VPS13B: variants seen among roughly 807,000 people sequenced by gnomAD.
VPS13B encodes the protein vacuolar protein sorting 13 homolog B.
Under a neutral mutation model 426.4 loss-of-function variants are expected in VPS13B, and 285 were observed. The ratio of observed to expected loss-of-function variants is 0.67; its 90% confidence interval spans 0.61 to 0.74. The LOEUF (loss-of-function observed/expected upper bound fraction) is 0.74, where lower values mean the gene tolerates loss of function less well. Ranked by LOEUF, VPS13B falls within the 30% of genes least tolerant of loss-of-function variation. The pLI, the probability that VPS13B is intolerant of heterozygous loss-of-function variation, is 0.00. For synonymous variants in VPS13B, 1,676 were observed against 1,676.4 expected (o/e 1.00, Z 0.01); for missense variants, 4,537 against 4,782.6 (o/e 0.95, Z 1.51).
intron 42 of VPS13B, among the ~76,000 whole-genome samples, chr8:99,779,383 C>T (rs930684387): frequency 5.9e-5 from 9 of 152,104 alleles, no homozygotes; most frequent in Non-Finnish European, 1.0e-4. Flanking sequence ...AATTGTCTAA[C>T]GGTCCATTGC....
chr8:99,697,775 C>A, intron 35 of VPS13B: 1 of 626,028 alleles, frequency 1.6e-6, no homozygotes, highest in Non-Finnish European at 3.1e-6. Flanking sequence ...TGTCACTGAG[C>A]TCATCAGCAC....
At chr8:99,629,271 A>G (rs921064960) in intron 33 of VPS13B, among the ~76,000 whole-genome samples, 1 of 152,186 alleles carries the variant, frequency 6.6e-6, no homozygotes, top group Admixed American at 6.6e-5. Flanking sequence ...TTTAAAGAAT[A>G]TCAGGGAATC....
At chr8:99,427,067 A>C (rs1268094153) in intron 21 of VPS13B, among the ~76,000 whole-genome samples, 9 of 48,418 alleles carry the variant, frequency 1.9e-4, no homozygotes, top group Admixed American at 1.4e-3. Flanking sequence ...TAAATCTTTA[A>C]TCCATCTTGA....
At chr8:99,034,006 A>C (rs986202056) in intron 2 of VPS13B, among the ~76,000 whole-genome samples, 1 of 152,156 alleles carries the variant, frequency 6.6e-6, no homozygotes, top group African/African-American at 2.4e-5. Flanking sequence ...CTTCACAGAT[A>C]GTTTGTTTCT....
chr8:99,148,606 C>T (rs1437036218), intron 14 of VPS13B, among the ~76,000 whole-genome samples: 1 of 152,060 alleles, frequency 6.6e-6, no homozygotes, highest in Admixed American at 6.6e-5. Flanking sequence ...TATCTCTAAG[C>T]CCTGATTTTC....
chr8:99,054,483 C>T (rs1450121761), intron 3 of VPS13B, among the ~76,000 whole-genome samples: 1 of 152,168 alleles, frequency 6.6e-6, no homozygotes, highest in Non-Finnish European at 1.5e-5. Flanking sequence ...TTATGATTTT[C>T]AAATATTTTC....
At chr8:99,463,396 C>T (rs1426862237) in intron 23 of VPS13B, among the ~76,000 whole-genome samples, 1 of 152,102 alleles carries the variant, frequency 6.6e-6, no homozygotes, top group Admixed American at 6.6e-5. Flanking sequence ...AAATGTTTTT[C>T]ACAAATTTGA....
intron 33 of VPS13B, among the ~76,000 whole-genome samples, chr8:99,613,399 G>A (rs1386086314): frequency 6.6e-6 from 1 of 152,190 alleles, no homozygotes; most frequent in African/African-American, 2.4e-5. Context: ...TTATTTGGTG[G>A]TTCACCTATC....
chr8:99,381,865 G>GCCATTCC, intron 19 of VPS13B, among the ~76,000 whole-genome samples: 1 of 151,490 alleles, frequency 6.6e-6, no homozygotes, highest in Middle Eastern at 3.4e-3. Flanking sequence ...TTTCTCCCAT[G>GCCATTCC]CCATTCCCAT....
intron 19 of VPS13B, among the ~76,000 whole-genome samples, chr8:99,299,928 A>C (rs1316185815): frequency 1.3e-5 from 2 of 152,122 alleles, no homozygotes; most frequent in African/African-American, 2.4e-5. Flanking sequence ...AAACAACAAC[A>C]AAGTAAATTT....
chr8:99,432,142 A>C (rs1254139837), intron 22 of VPS13B, among the ~76,000 whole-genome samples: 1 of 152,022 alleles, frequency 6.6e-6, no homozygotes, highest in African/African-American at 2.4e-5. Context: ...AAAATGCACA[A>C]TTTTATCTTA....
intron 2 of VPS13B, 137 bp downstream of exon 2, chr8:99,014,072 G>A (rs949821773): frequency 8.7e-6 from 8 of 916,592 alleles, no homozygotes; most frequent in Non-Finnish European, 1.3e-5. Flanking sequence ...CCTGAAACAA[G>A]GGGGCTTTAT....
At chr8:99,545,236 G>A (rs534072383) in intron 30 of VPS13B, among the ~76,000 whole-genome samples, 6 of 152,114 alleles carry the variant, frequency 3.9e-5, no homozygotes, top group South Asian at 2.1e-4. Context: ...GGAGATTTAC[G>A]TTTTTAATTT....
At chr8:99,422,477 T>A (rs1184466631) in intron 21 of VPS13B, among the ~76,000 whole-genome samples, 1 of 152,136 alleles carries the variant, frequency 6.6e-6, no homozygotes, top group Admixed American at 6.6e-5. Flanking sequence ...GTACTAATAT[T>A]TTTCATCGGT....
At chr8:99,374,806 A>G (rs573164902) in intron 19 of VPS13B, among the ~76,000 whole-genome samples, 1 of 152,112 alleles carries the variant, frequency 6.6e-6, no homozygotes, top group African/African-American at 2.4e-5. Flanking sequence ...CAAGATTAGG[A>G]TCTTTGTTTT....
chr8:99,027,270 G>T (rs1410342346), intron 2 of VPS13B, among the ~76,000 whole-genome samples: 2 of 151,448 alleles, frequency 1.3e-5, no homozygotes, highest in Non-Finnish European at 2.9e-5. Context: ...TTACATTCAA[G>T]GTTATTATTG....
chr8:99,320,210 TG>T (rs1051001884), intron 19 of VPS13B, among the ~76,000 whole-genome samples: 8 of 152,206 alleles, frequency 5.3e-5, no homozygotes, highest in African/African-American at 1.7e-4. Context: ...AAGGGATTTA[TG>T]GGATAAAGGT....
chr8:99,374,294 T>TTGATATA (rs1348342208), intron 19 of VPS13B, among the ~76,000 whole-genome samples: 1 of 151,910 alleles, frequency 6.6e-6, no homozygotes, highest in Non-Finnish European at 1.5e-5. Context: ...AATCTATTGG[T>TTGATATA]TGATATATGT....
intron 35 of VPS13B, among the ~76,000 whole-genome samples, chr8:99,694,964 C>T (rs1236703107): frequency 6.6e-6 from 1 of 150,980 alleles, no homozygotes; most frequent in Non-Finnish European, 1.5e-5. Context: ...TCATCACTGG[C>T]CATCAGAGAA....
Sources: allele counts gnomAD v4.1 joint callset (sites outside exome capture counted in the v4.1 genomes callset), GRCh38; gene constraint gnomAD v4.1.1; transcripts MANE v1.5; gene names NCBI Gene and HGNC (gene_info 2026-07-23, HGNC 2026-07-21).